STXBP5: variants seen among roughly 807,000 people sequenced by gnomAD.
STXBP5 encodes the protein syntaxin-binding protein 5.
A neutral mutation model predicts 152.4 loss-of-function variants in STXBP5; 50 were observed. That is an observed-to-expected ratio of 0.33 (90% CI 0.26 to 0.42). The LOEUF is 0.42. STXBP5 is among the 10% of genes least tolerant of loss of function. STXBP5 has a pLI of 1.00. For synonymous variants in STXBP5, 492 were observed against 494.7 expected (o/e 0.99, Z 0.07); for missense variants, 1,167 against 1,388.6 (o/e 0.84, Z 2.54).
chr6:147,313,188 C>A (rs1406670039), intron 11 of STXBP5, among the ~76,000 whole-genome samples: 1 of 152,120 alleles, frequency 6.6e-6, no homozygotes, highest in Non-Finnish European at 1.5e-5. Flanking sequence ...GTAGACTGAT[C>A]TAATTTTTGC....
chr6:147,369,981 A>T (rs907026687), intron 25 of STXBP5, among the ~76,000 whole-genome samples: 2 of 152,048 alleles, frequency 1.3e-5, no homozygotes, highest in South Asian at 4.1e-4. Flanking sequence ...TATTTGTAAT[A>T]GCCAAAAACT....
intron 7 of STXBP5, among the ~76,000 whole-genome samples, chr6:147,269,857 A>G (rs1344122156): frequency 6.6e-6 from 1 of 152,212 alleles, no homozygotes; most frequent in Non-Finnish European, 1.5e-5. Context: ...TAATATGTGT[A>G]TTTTGAATCC....
At chr6:147,358,934 C>G (rs1255822476) in intron 22 of STXBP5, 150 bp from the exon 23 acceptor site, 4 of 949,818 alleles carry the variant, frequency 4.2e-6, no homozygotes, top group Non-Finnish European at 4.6e-6. Context: ...CCATGTTGTT[C>G]AAGGATCAAC....
chr6:147,334,201 C>T lies in STXBP5; in HGVS notation c.2125C>T (p.Arg709Cys), dbSNP rs751124208. 8.1e-6 allele frequency: 13 copies of T among 1,611,618 alleles called. No individual in the cohort carries two copies. Among genetic ancestry groups the T allele is most frequent in the Admixed American group, 1.7e-5 (1 of 59,894 alleles). Residue 709 changes from arginine (R) to cysteine (C), a missense_variant, in exon 19 of 28, where the codon CGC (arginine) becomes TGC (cysteine). Physicochemically the swap from Arg to Cys is radical, Grantham distance 180. Around this residue, in one of 3 missense-constraint regions of STXBP5, gnomAD observed 833 missense variants for 986.3 expected, o/e 0.84. Coordinates refer to ENST00000321680, the MANE Select transcript of STXBP5 (RefSeq NM_001127715.4). ...TGAAGGGACTGTTGTTCCAGAGGAT[C>T]GCTGCAAATCTCCAACCTCTGGTAA... ...ISEGTVVPED[R>C]CKSPTSGSSS...
rs146827718 is a variant in STXBP5, at chr6:147,310,088, C to G, written c.922C>G (p.Pro308Ala). ...VEFKTTRSGE[P>A]FIILSGGLSY... ...TAATATGTATTTTATTTCCAGGGAG[C>G]CTTTTATTATTTTATCAGGAGGTTT... The change falls in exon 10 of 28, where the codon CCT becomes GCT. Residue 308 changes from proline to alanine, a missense_variant. By Grantham distance (27) the Pro-to-Ala change is conservative. This residue lies in a region of STXBP5 where 24 missense variants were observed against 56.2 expected (regional missense o/e 0.43). Coordinates refer to ENST00000321680, the MANE Select transcript of STXBP5 (RefSeq NM_001127715.4). 5 of 1,528,102 alleles carry G rather than the reference C, an allele frequency of 3.3e-6. No homozygotes were observed. The highest frequency in any genetic ancestry group is 2.6e-5 in the South Asian group (2 of 76,640). The allele number at this position is 1,528,102 out of a possible 1,614,324, so 94.7% of individuals were successfully genotyped here. A position where few individuals can be genotyped will look rare whatever the true frequency, so the allele number is the denominator to read the frequency against.
intron 26 of STXBP5, among the ~76,000 whole-genome samples, chr6:147,374,691 G>A (rs1265730037): frequency 1.3e-5 from 2 of 152,158 alleles, no homozygotes; most frequent in Non-Finnish European, 2.9e-5. Flanking sequence ...GGGGAAAGAA[G>A]CCCAGAGCGG....
At chr6:147,245,440 C>G (rs1778764214) in intron 4 of STXBP5, among the ~76,000 whole-genome samples, 1 of 152,146 alleles carries the variant, frequency 6.6e-6, no homozygotes, top group East Asian at 1.9e-4. Context: ...AGGGATTTGT[C>G]TGCTGTATAA....
chr6:147,333,825 G>A (rs554615378), intron 18 of STXBP5, among the ~76,000 whole-genome samples: 1 of 152,284 alleles, frequency 6.6e-6, no homozygotes, highest in South Asian at 2.1e-4. Flanking sequence ...CCAAACTCTT[G>A]ATGTGTTTTT....
intron 4 of STXBP5, among the ~76,000 whole-genome samples, chr6:147,259,955 G>T (rs1368695970): frequency 6.6e-6 from 1 of 152,042 alleles, no homozygotes; most frequent in Non-Finnish European, 1.5e-5. Context: ...GTTAATGAAG[G>T]CCTGCCATAT....
At chr6:147,221,134 CTG>C (rs1777437546) in intron 2 of STXBP5, among the ~76,000 whole-genome samples, 1 of 152,050 alleles carries the variant, frequency 6.6e-6, no homozygotes, top group Admixed American at 6.5e-5. Context: ...TGAAAGAACA[CTG>C]TACTGCTTCA....
At chr6:147,209,945 G>T (rs2786189) in intron 2 of STXBP5, among the ~76,000 whole-genome samples, 92,284 of 152,006 alleles carry the variant, frequency 0.61, 30,060 homozygotes, top group African/African-American at 0.86. Context: ...TTGAGGGTCT[G>T]CAATTTTAAC....
chr6:147,281,580 A>G (rs762013696), intron 8 of STXBP5, among the ~76,000 whole-genome samples: 2 of 152,168 alleles, frequency 1.3e-5, no homozygotes, highest in Non-Finnish European at 2.9e-5. Flanking sequence ...GTTTAAATAT[A>G]CTAGCCTTTT....
rs79790255 is a variant in STXBP5, at chr6:147,258,376, C to A, written c.432-2239C>A. Among the ~76,000 whole-genome samples, 895 of 152,286 alleles carry A rather than the reference C, an allele frequency of 5.9e-3. 9 individuals are homozygous for A. The highest frequency in any genetic ancestry group is 0.02 in the African/African-American group (841 of 41,582). On this transcript the variant is annotated intron_variant, in intron 4 of 27. Coordinates refer to ENST00000321680, the MANE Select transcript of STXBP5 (RefSeq NM_001127715.4). ...ATTATTAAATAACGATACCTTCTGT[C>A]TTGTCTGTCTCTCTCTGTGTACAAA...
intron 9 of STXBP5, 30 bp downstream of exon 9, chr6:147,291,202 T>C: frequency 1.3e-6 from 2 of 1,579,920 alleles, no homozygotes; most frequent in South Asian, 1.1e-5. Flanking sequence ...CCAATGTTCA[T>C]TGTATATAAG....
At chr6:147,223,451 G>C (rs773936228) in intron 2 of STXBP5, among the ~76,000 whole-genome samples, 44 of 152,232 alleles carry the variant, frequency 2.9e-4, no homozygotes, top group Non-Finnish European at 1.6e-4. Flanking sequence ...TGGAAAATAA[G>C]ACCTGGGAGG....
At chr6:147,332,071 A>T (rs542415296) in intron 18 of STXBP5, among the ~76,000 whole-genome samples, 3 of 152,342 alleles carry the variant, frequency 2.0e-5, no homozygotes, top group Admixed American at 2.0e-4. Flanking sequence ...GGGTTGAGTG[A>T]GATAGGTTTG....
intron 4 of STXBP5, among the ~76,000 whole-genome samples, chr6:147,242,482 A>G (rs1442196734): frequency 2.0e-5 from 3 of 152,194 alleles, no homozygotes; most frequent in African/African-American, 4.8e-5. Flanking sequence ...GTCACTTACC[A>G]CTGACAGACT....
At chr6:147,380,632 C>A (rs898052887) in intron 26 of STXBP5, among the ~76,000 whole-genome samples, 2 of 149,390 alleles carry the variant, frequency 1.3e-5, no homozygotes, top group Admixed American at 6.7e-5. Flanking sequence ...ACCTAAATCA[C>A]AAGCAACCAA....
chr6:147,305,694 T>C (rs1782055320), intron 9 of STXBP5, among the ~76,000 whole-genome samples: 1 of 152,178 alleles, frequency 6.6e-6, no homozygotes, highest in African/African-American at 2.4e-5. Flanking sequence ...TTTTAGGAAT[T>C]TGATATAGGG....
Sources: allele counts gnomAD v4.1 joint callset (sites outside exome capture counted in the v4.1 genomes callset), GRCh38; gene constraint gnomAD v4.1.1; regional missense constraint gnomAD v4.1.1; transcripts MANE v1.5; gene names NCBI Gene and HGNC (gene_info 2026-07-23, HGNC 2026-07-21).